The following SH3BP2 variants were observed in gnomAD, a reference collection of about 807,000 sequenced individuals.
SH3BP2 encodes SH3 domain-binding protein 2.
A neutral mutation model predicts 56.2 loss-of-function variants in SH3BP2; 38 were observed. That is an observed-to-expected ratio of 0.68 (90% CI 0.52 to 0.89). The LOEUF (loss-of-function observed/expected upper bound fraction) is 0.89. Ranked by LOEUF, SH3BP2 falls within the 40% of genes least tolerant of loss-of-function variation. The pLI, the probability that SH3BP2 is intolerant of heterozygous loss-of-function variation, is 0.00. For missense variants in SH3BP2, 748 were observed against 762.6 expected (o/e 0.98, Z 0.23); for synonymous variants, 346 against 316.7 (o/e 1.09, Z -0.98).
intron 5 of SH3BP2, chr4:2,826,196 C>T (rs989158615): frequency 6.4e-6 from 1 of 156,384 alleles, no homozygotes; most frequent in African/African-American, 2.4e-5. Context: ...GCCTCCAGTT[C>T]TTCTGTCTGT....
At chr4:2,813,152 G>A (rs1358067968) in intron 1 of SH3BP2, among the ~76,000 whole-genome samples, 3 of 152,212 alleles carry the variant, frequency 2.0e-5, no homozygotes, top group Non-Finnish European at 2.9e-5. Flanking sequence ...AAGGGAAACC[G>A]AAAAGGAAGA....
intron 1 of SH3BP2, among the ~76,000 whole-genome samples, chr4:2,816,209 C>G (rs1331053020): frequency 6.6e-6 from 1 of 152,034 alleles, no homozygotes; most frequent in African/African-American, 2.4e-5. Context: ...TGCCTGCCAC[C>G]TGGTATTTTT....
In SH3BP2 at chr4:2,822,926, C is replaced by G; in HGVS notation, c.137-9C>G. ...AGGCTCACCTTCCTGCCCTTGCCAC[C>G]TCCCACAGGGCCCCTGCGCTTTGTC... is the stretch of plus-strand genomic sequence containing the variant. On this transcript the variant is annotated splice_polypyrimidine_tract_variant and intron_variant, in intron 2 of 12. Transcript: ENST00000503393. The G allele has an allele frequency of 6.2e-7, 1 of 1,611,972 alleles. No individual in the cohort carries two copies. Among genetic ancestry groups the G allele is most frequent in the Non-Finnish European group, 8.5e-7 (1 of 1,178,388 alleles).
chr4:2,809,746 C>G, intron 1 of SH3BP2: 2 of 981,224 alleles, frequency 2.0e-6, no homozygotes, highest in African/African-American at 1.7e-5. Flanking sequence ...GCTCCCAGAA[C>G]CCAGTGAAAG....
chr4:2,801,263 C>T (rs554767325), intron 1 of SH3BP2, among the ~76,000 whole-genome samples: 6 of 152,190 alleles, frequency 3.9e-5, no homozygotes, highest in South Asian at 4.1e-4. Context: ...GGCCTGGGAA[C>T]GTTCAGGTCA....
chr4:2,821,659 A>G (rs890038040), intron 2 of SH3BP2, among the ~76,000 whole-genome samples: 3 of 151,658 alleles, frequency 2.0e-5, no homozygotes, highest in Admixed American at 6.6e-5. Context: ...TCCCAGGCTC[A>G]GGTGATCCCC....
intron 3 of SH3BP2, chr4:2,823,576 G>A (rs1336632876): frequency 2.2e-6 from 1 of 455,216 alleles, no homozygotes; most frequent in Non-Finnish European, 4.4e-6. Flanking sequence ...ACAGGCAGGT[G>A]GGCGGTGGCC....
At position 2,832,345 on chromosome 4, in the gene SH3BP2, C is replaced by T. The variant is rs746860671; in HGVS notation, c.1421C>T (p.Thr474Ile). The change falls in exon 11 of 13, where the codon ACA becomes ATA. Residue 474 changes from threonine (T) to isoleucine (I), a missense_variant. Coordinates refer to ENST00000503393, the MANE Select transcript of SH3BP2 (RefSeq NM_001122681.2). The stretch of plus-strand genomic sequence containing the variant: ...TCTTATTTTAGGTTGTTCAAGGCTA[C>T]AAGCCCCCGGGGAGAGCCCCAGGAT... ...SCEVERLFKA[T>I]SPRGEPQDGL... The T allele has an allele frequency of 1.2e-6, 2 of 1,614,066 alleles. No homozygotes were observed. Among genetic ancestry groups the T allele is most frequent in the South Asian group, 1.1e-5 (1 of 91,080 alleles).
Position 2,827,638 on chromosome 4 carries a change from C to A in SH3BP2, c.550C>A (p.Leu184Met). Reference protein sequence around the residue: ...YEHDDEDDSYLEPDSPEPGRL... With the variant: ...YEHDDEDDSYMEPDSPEPGRL... ...GCACGACGATGAGGATGACTCCTAC[C>A]TGGAGCCTGACTCCCCGGAGCCCGG... Residue 184 changes from leucine (L) to methionine (M), a missense_variant, in exon 7 of 13, where the codon CTG becomes ATG. Around this residue, in one of 3 missense-constraint regions of SH3BP2, gnomAD observed 635 missense variants for 615.0 expected, o/e 1.03. Transcript: ENST00000503393. 1 of 1,594,200 alleles carries A rather than the reference C, an allele frequency of 6.3e-7. No homozygotes were observed. Among genetic ancestry groups the A allele is most frequent in the Non-Finnish European group, 8.5e-7 (1 of 1,169,962 alleles).
At position 2,835,039 on chromosome 4, in the gene SH3BP2, A is replaced by T. The variant is rs548863619; in HGVS notation, c.*1205A>T. ...CCCTTACTTTCTGCCATGGAGTTCC[A>T]GCAGGTCACTCTCCCTGGCACACCT... is the stretch of plus-strand genomic sequence containing the variant. On this transcript the variant is annotated 3_prime_UTR_variant, in exon 13 of 13. Transcript: ENST00000503393. The T allele has an allele frequency of 6.6e-6, 1 of 152,418 alleles. No homozygotes were observed. The highest frequency in any genetic ancestry group is 6.5e-5 in the Admixed American group (1 of 15,302). 9.4% of individuals were successfully genotyped at this position (152,418 alleles called of 1,614,324 possible). A position where few individuals can be genotyped will look rare whatever the true frequency, so the allele number is the denominator to read the frequency against.
At position 2,831,526 on chromosome 4, in the gene SH3BP2, G is replaced by T. The variant is rs372941027; in HGVS notation, c.1242-45G>T. 4.1e-6 allele frequency: 6 copies of T among 1,465,666 alleles called. No homozygotes were observed. In the African/African-American group the frequency reaches 8.4e-5, roughly 21 times the overall value. The allele number at this position is 1,465,666 out of a possible 1,614,324, so 90.8% of individuals were successfully genotyped here. A position where few individuals can be genotyped will look rare whatever the true frequency, so the allele number is the denominator to read the frequency against. On this transcript the variant is annotated intron_variant, in intron 8 of 12. Transcript: ENST00000503393. This position sits in a 1 kb window ranked among gnomAD's most constrained non-coding sequence, Gnocchi z 4.1. ...GGGGAGCAGAGGGTGGCCGCCCCGT[G>T]TCTGACAGTGAAATGGTCCTGCCTT...
chr4:2,803,716 C>G (rs1463578698), intron 1 of SH3BP2, among the ~76,000 whole-genome samples: 1 of 152,190 alleles, frequency 6.6e-6, no homozygotes, highest in East Asian at 1.9e-4. Flanking sequence ...GGTGCCTTCT[C>G]TTACCTGCAA....
At chr4:2,805,912 C>G (rs1471316829) in intron 1 of SH3BP2, among the ~76,000 whole-genome samples, 1 of 152,192 alleles carries the variant, frequency 6.6e-6, no homozygotes, top group African/African-American at 2.4e-5. Flanking sequence ...GAATGTGGCT[C>G]TGTCTGTGCC....
chr4:2,804,657 G>T (rs918018373), intron 1 of SH3BP2, among the ~76,000 whole-genome samples: 2 of 152,206 alleles, frequency 1.3e-5, no homozygotes, highest in African/African-American at 4.8e-5. Context: ...AGAGGCCAGG[G>T]CCCACCCCCA....
chr4:2,823,550 A>G, intron 3 of SH3BP2: 1 of 456,032 alleles, frequency 2.2e-6, no homozygotes, highest in South Asian at 1.6e-5. Context: ...GCTGCCCTGG[A>G]GGGCCTTCTG....
At position 2,822,865 on chromosome 4, in the gene SH3BP2, A is replaced by G. The variant is rs879028014; in HGVS notation, c.137-70A>G. Reference sequence around the variant, plus strand: ...GGCCTGGCCCCAAGTTGTCCTGTGGAGGGTCCTCACAGTGGGTCTTGGCAG... The same window carrying G: ...GGCCTGGCCCCAAGTTGTCCTGTGGGGGGTCCTCACAGTGGGTCTTGGCAG... On this transcript the variant is annotated intron_variant, in intron 2 of 12. Transcript: ENST00000503393. 166 of 1,178,828 alleles carry G rather than the reference A, an allele frequency of 1.4e-4. 4 individuals are homozygous for G. The South Asian group carries it at 2.1e-3, about 15-fold the overall frequency. The allele number at this position is 1,178,828 out of a possible 1,614,324, so 73.0% of individuals were successfully genotyped here. A position where few individuals can be genotyped will look rare whatever the true frequency, so the allele number is the denominator to read the frequency against.
intron 3 of SH3BP2, among the ~76,000 whole-genome samples, 176 bp downstream of exon 3, chr4:2,823,213 G>C (rs891537679): frequency 6.6e-5 from 10 of 152,172 alleles, no homozygotes; most frequent in Admixed American, 2.6e-4. Flanking sequence ...CGCCCTCTCC[G>C]CGTGTCCTGC....
At chr4:2,803,219 G>A (rs886161951) in intron 1 of SH3BP2, among the ~76,000 whole-genome samples, 1 of 152,230 alleles carries the variant, frequency 6.6e-6, no homozygotes, top group Non-Finnish European at 1.5e-5. Flanking sequence ...GCCCATCGTG[G>A]TGGCTCCTGA....
chr4:2,812,187 C>G, intron 1 of SH3BP2: 1 of 1,439,936 alleles, frequency 6.9e-7, no homozygotes, highest in South Asian at 1.4e-5. Context: ...GCTTTCAGGA[C>G]CTCACAGGGT....
Sources: allele counts gnomAD v4.1 joint callset (sites outside exome capture counted in the v4.1 genomes callset), GRCh38; gene constraint gnomAD v4.1.1; regional missense constraint gnomAD v4.1.1; non-coding constraint Gnocchi (gnomAD v3.1); transcripts MANE v1.5; gene names NCBI Gene and HGNC (gene_info 2026-07-23, HGNC 2026-07-21).